Variants in IL1RAPL1 observed in about 807,000 individuals in gnomAD.
IL1RAPL1 encodes interleukin 1 receptor accessory protein like 1.
Under a neutral mutation model 48.4 loss-of-function variants are expected in IL1RAPL1, and 3 were observed. The observed-to-expected ratio is 0.06, with a 90% confidence interval of 0.03 to 0.16. The LOEUF (loss-of-function observed/expected upper bound fraction) is 0.16. Ranked by LOEUF, IL1RAPL1 falls within the 10% of genes least tolerant of loss-of-function variation. The pLI, the probability that IL1RAPL1 is intolerant of heterozygous loss-of-function variation, is 1.00. For missense variants in IL1RAPL1, 349 were observed against 530.6 expected (o/e 0.66, Z 3.36); for synonymous variants, 185 against 187.7 (o/e 0.99, Z 0.12).
intron 2 of IL1RAPL1, among the ~76,000 whole-genome samples, chrX:29,155,697 T>C (rs1378528825): frequency 8.9e-6 from 1 of 111,888 alleles, no homozygotes; most frequent in South Asian, 3.7e-4. Context: ...TTGAATATGG[T>C]AATTTCAAAT....
rs769984911 is a variant in IL1RAPL1 at position 29,279,696 on chromosome X, G to A, written c.83-3242G>A. On this transcript the variant is annotated intron_variant, in intron 2 of 10. Transcript: ENST00000378993. ...CTCTAACTTTTCTTTGGCACATGAC[G>A]TTGAACTGTATGAAACTTTTTTCCT... Among the ~76,000 whole-genome samples the A allele has an allele frequency of 1.5e-3, 168 of 111,420 alleles. 1 individual carries two copies. The highest frequency in any genetic ancestry group is 5.2e-3 in the African/African-American group (159 of 30,663).
In IL1RAPL1 at chrX:29,842,588, G is replaced by C. The variant is rs180834829; in HGVS notation, c.779-74876G>C. On this transcript the variant is annotated intron_variant, in intron 6 of 10. Transcript: ENST00000378993. ...ATTAAAATGGCAATTGTGTTAATTC[G>C]AAACATTTGGCCTCTGTTGTGTACT... 2.7e-5 allele frequency among the ~76,000 whole-genome samples: 3 copies of C among 112,272 alleles called. No individual in the cohort carries two copies. In the East Asian group the frequency reaches 8.3e-4, roughly 31 times the overall value.
At chrX:29,814,742 C>A (rs908837386) in intron 6 of IL1RAPL1, among the ~76,000 whole-genome samples, 25 of 111,884 alleles carry the variant, frequency 2.2e-4, no homozygotes, top group Non-Finnish European at 4.7e-4. Flanking sequence ...AATCCTTTTT[C>A]AGTTAATTTT....
chrX:29,833,884 A>G (rs1930933488), intron 6 of IL1RAPL1, among the ~76,000 whole-genome samples: 1 of 111,784 alleles, frequency 8.9e-6, no homozygotes, highest in African/African-American at 3.3e-5. Flanking sequence ...AATAGGATCC[A>G]TGTTTCATCT....
At chrX:28,984,836 C>A (rs1925427658) in intron 2 of IL1RAPL1, among the ~76,000 whole-genome samples, 1 of 111,547 alleles carries the variant, frequency 9.0e-6, no homozygotes, top group African/African-American at 3.3e-5. Context: ...TAGATGTCAC[C>A]CTTTTTTCAT....
chrX:29,279,461 A>G (rs1218251995), intron 2 of IL1RAPL1, among the ~76,000 whole-genome samples: 2 of 111,913 alleles, frequency 1.8e-5, no homozygotes, highest in Non-Finnish European at 3.8e-5. Flanking sequence ...ATTTTATTCA[A>G]ATAATTTGAA....
At chrX:29,439,728 T>G (rs1327758858) in intron 5 of IL1RAPL1, among the ~76,000 whole-genome samples, 1 of 110,943 alleles carries the variant, frequency 9.0e-6, no homozygotes, top group African/African-American at 3.3e-5. Context: ...TCTTATATAT[T>G]ATATTTTGGA....
intron 1 of IL1RAPL1, among the ~76,000 whole-genome samples, chrX:28,771,604 G>T (rs138077176): frequency 0.011 from 1,255 of 112,035 alleles, 7 homozygotes; most frequent in Non-Finnish European, 0.017. Context: ...GGCAGAGCCT[G>T]CATTAATAGA....
chrX:29,767,735 C>T (rs1249915323), intron 6 of IL1RAPL1, among the ~76,000 whole-genome samples: 2 of 111,754 alleles, frequency 1.8e-5, no homozygotes, highest in Non-Finnish European at 3.8e-5. Context: ...CTAATGATGG[C>T]TCATAAATAT....
intron 1 of IL1RAPL1, among the ~76,000 whole-genome samples, chrX:28,747,429 C>T (rs1158300583): frequency 9.0e-6 from 1 of 110,744 alleles, no homozygotes; most frequent in Non-Finnish European, 1.9e-5. Context: ...TCACTTGAGG[C>T]CAGGAGTTCA....
intron 2 of IL1RAPL1, among the ~76,000 whole-genome samples, chrX:29,116,148 A>G (rs191029823): frequency 9.0e-6 from 1 of 111,548 alleles, no homozygotes; most frequent in Non-Finnish European, 1.9e-5. Context: ...ATTTAAATGT[A>G]TTCACATGTT....
intron 2 of IL1RAPL1, among the ~76,000 whole-genome samples, chrX:29,107,313 C>T (rs745469778): frequency 8.9e-6 from 1 of 112,317 alleles, no homozygotes; most frequent in Non-Finnish European, 1.9e-5. Context: ...TGCAAACTTA[C>T]ATTTGGCTTG....
chrX:28,979,043 A>G (rs1472665934), intron 2 of IL1RAPL1, among the ~76,000 whole-genome samples: 3 of 111,874 alleles, frequency 2.7e-5, no homozygotes, highest in East Asian at 2.8e-4. Context: ...CATCTATCGT[A>G]TGACCACAGA....
intron 5 of IL1RAPL1, among the ~76,000 whole-genome samples, chrX:29,600,796 A>G (rs1186330995): frequency 9.0e-6 from 1 of 110,757 alleles, no homozygotes; most frequent in Non-Finnish European, 1.9e-5. Context: ...TTAAGTTCCC[A>G]TGGGATTATG....
intron 2 of IL1RAPL1, among the ~76,000 whole-genome samples, chrX:29,050,208 A>G (rs1274521932): frequency 1.8e-5 from 2 of 112,014 alleles, no homozygotes; most frequent in Admixed American, 9.5e-5. Context: ...CACACCCGGC[A>G]TGACTATCAC....
intron 2 of IL1RAPL1, among the ~76,000 whole-genome samples, chrX:29,206,659 T>C (rs1302194086): frequency 8.9e-6 from 1 of 112,080 alleles, no homozygotes; most frequent in Admixed American, 9.5e-5. Flanking sequence ...TCTCATTGCA[T>C]TTTTACATAA....
chrX:29,814,834 G>A (rs1930458990), intron 6 of IL1RAPL1, among the ~76,000 whole-genome samples: 1 of 111,426 alleles, frequency 9.0e-6, no homozygotes, highest in South Asian at 3.7e-4. Flanking sequence ...TATTGAATAG[G>A]GAGGCCTTTC....
At chrX:29,327,988 C>T (rs1362438036) in intron 3 of IL1RAPL1, among the ~76,000 whole-genome samples, 3 of 111,962 alleles carry the variant, frequency 2.7e-5, no homozygotes, top group Admixed American at 9.5e-5. Flanking sequence ...TTGAACCCTG[C>T]TTTTTATGAT....
intron 2 of IL1RAPL1, among the ~76,000 whole-genome samples, chrX:28,895,329 T>C (rs921425382): frequency 9.1e-6 from 1 of 110,269 alleles, no homozygotes; most frequent in Admixed American, 9.6e-5. Context: ...TAACAGGCTT[T>C]AATCTTTTCA....
Sources: gnomAD v4.1 joint callset for allele counts (sites outside exome capture counted in the v4.1 genomes callset) on GRCh38, gnomAD v4.1.1 for gene constraint, MANE v1.5 for transcripts, NCBI Gene and HGNC (gene_info 2026-07-23, HGNC 2026-07-21) for gene names.